TOPAZ1: variants seen among roughly 807,000 people sequenced by gnomAD.
TOPAZ1 encodes the protein testis and ovary specific TOPAZ 1.
TOPAZ1 carries 66 observed loss-of-function variants against 172.2 expected under a neutral mutation model. That is an observed-to-expected ratio of 0.38 (90% CI 0.31 to 0.47). TOPAZ1 has a LOEUF of 0.47. Ranked by LOEUF, TOPAZ1 falls within the 20% of genes least tolerant of loss-of-function variation. The pLI, the probability that TOPAZ1 is intolerant of heterozygous loss-of-function variation, is 0.99. For synonymous variants in TOPAZ1, 681 were observed against 683.9 expected, an observed-to-expected ratio of 1.00 and a Z score of 0.07; for missense variants, 1,822 against 1,972.4, an observed-to-expected ratio of 0.92 and a Z score of 1.44.
chr3:44,256,864 G>T (rs1699709673), intron 4 of TOPAZ1, among the ~76,000 whole-genome samples: 2 of 152,198 alleles, frequency 1.3e-5, no homozygotes, highest in South Asian at 4.1e-4. Flanking sequence ...AACATTAGAG[G>T]CTAAGTAGAT....
Position 44,250,243 on chromosome 3 carries a change from C to CAAA in TOPAZ1, c.2766-4709_2766-4707dup, listed in dbSNP as rs35079686. On this transcript the variant is annotated intron_variant, in intron 2 of 19. Transcript: ENST00000309765. The stretch of plus-strand genomic sequence containing the variant: ...TATTACCAATTTTACCATGAAATGA[C>CAAA]AAAAAAAAAAAAAAAAAACAGGTTT... Among the ~76,000 whole-genome samples, 698 of 110,766 alleles carry CAAA rather than the reference C, an allele frequency of 6.3e-3. 9 individuals carry two copies. Among genetic ancestry groups the CAAA allele is most frequent in the Admixed American group, 0.03 (332 of 10,908 alleles). The allele number at this position is 110,766 out of a possible 152,430, so 72.7% of individuals were successfully genotyped here. A position where few individuals can be genotyped will look rare whatever the true frequency, so the allele number is the denominator to read the frequency against.
At chr3:44,274,349 C>T (rs1260136631) in intron 8 of TOPAZ1, among the ~76,000 whole-genome samples, 3 of 149,736 alleles carry the variant, frequency 2.0e-5, no homozygotes, top group Non-Finnish European at 4.4e-5. Context: ...TGCAGTGAGG[C>T]GAGACTGAGC....
chr3:44,295,681 A>G (rs1601906), intron 12 of TOPAZ1, among the ~76,000 whole-genome samples: 68,272 of 151,982 alleles, frequency 0.45, 16,862 homozygotes, highest in East Asian at 0.81. Flanking sequence ...TGCCAAGAAG[A>G]CATAGCAATT....
At chr3:44,257,455 T>A (rs1699725458) in intron 4 of TOPAZ1, among the ~76,000 whole-genome samples, 2 of 70,350 alleles carry the variant, frequency 2.8e-5, no homozygotes, top group East Asian at 2.3e-4. Context: ...TGTATCTATT[T>A]TATATATATA....
rs1699837967 is a variant in TOPAZ1, at chr3:44,267,038, A to C, written c.3062A>C (p.Gln1021Pro). 6.5e-7 allele frequency: 1 copy of C among 1,548,000 alleles called. No individual in the cohort carries two copies. Among genetic ancestry groups the C allele is most frequent in the East Asian group, 2.5e-5 (1 of 40,774 alleles). ...RNADFMVGEC[Q>P]FAVPVPKPLC... ...GCAGACTTTATGGTCGGCGAATGTC[A>C]ATTTGCAGTACCAGTCCCGAAACCT... The change falls in exon 6 of 20, where the codon CAA (glutamine) becomes CCA (proline). Residue 1021 changes from glutamine (Q) to proline (P), a missense_variant. This residue lies in a region of TOPAZ1 where 1,489 missense variants were observed against 1,490.8 expected (regional missense o/e 1.00). Transcript: ENST00000309765.
chr3:44,292,517 A>G (rs1025280652), intron 12 of TOPAZ1, among the ~76,000 whole-genome samples: 2 of 150,986 alleles, frequency 1.3e-5, no homozygotes, highest in African/African-American at 4.9e-5. Flanking sequence ...GCACAGGGAA[A>G]GTGTATGCAT....
chr3:44,245,246 A>G lies in TOPAZ1; in HGVS notation c.2740A>G (p.Lys914Glu), dbSNP rs766382749. 8 of 1,540,078 alleles carry G rather than the reference A, an allele frequency of 5.2e-6. No individual in the cohort carries two copies. In the Admixed American group the frequency reaches 1.0e-4, roughly 20 times the overall value. ...CTCCAAGTACATGGAAACTCCAGTA[A>G]AAAAAGAACCAAGTGATGACTTAAG... is the stretch of plus-strand genomic sequence containing the variant. ...TDSKYMETPV[K>E]KEPSDDLREL... The change falls in exon 2 of 20, where the codon AAA (lysine) becomes GAA (glutamate). Residue 914 changes from lysine to glutamate, a missense_variant. Around this residue, in one of 2 missense-constraint regions of TOPAZ1, gnomAD observed 1,489 missense variants for 1,490.8 expected, o/e 1.00. Transcript: ENST00000309765.
chr3:44,271,927 G>A (rs1345551836), intron 8 of TOPAZ1, among the ~76,000 whole-genome samples: 1 of 151,948 alleles, frequency 6.6e-6, no homozygotes, highest in Non-Finnish European at 1.5e-5. Flanking sequence ...CTCCACCCCT[G>A]TCCTCTGGTA....
chr3:44,298,929 T>TTTTTTTG (rs1559541961), intron 12 of TOPAZ1, among the ~76,000 whole-genome samples: 2 of 52,524 alleles, frequency 3.8e-5, no homozygotes, highest in Middle Eastern at 8.9e-3. Flanking sequence ...TTTTTTTTTT[T>TTTTTTTG]TTTTTCCCCC....
chr3:44,294,194 C>G (rs998151081), intron 12 of TOPAZ1, among the ~76,000 whole-genome samples: 1 of 151,758 alleles, frequency 6.6e-6, no homozygotes, highest in Non-Finnish European at 1.5e-5. Context: ...GAGCCAAGAT[C>G]GTGCCACTGC....
Position 44,281,951 on chromosome 3 carries a change from T to C in TOPAZ1, c.3373-17T>C, listed in dbSNP as rs1270856264. On this transcript the variant is annotated splice_polypyrimidine_tract_variant and intron_variant, in intron 8 of 19. Coordinates refer to ENST00000309765, the MANE Select transcript of TOPAZ1 (RefSeq NM_001145030.2). Reference sequence around the variant, plus strand: ...TATTTAAAAAAGGTAGTTTTACATTTTTCGTGACTTTTGCAGGTTTGCATG... The same window carrying C: ...TATTTAAAAAAGGTAGTTTTACATTCTTCGTGACTTTTGCAGGTTTGCATG... 2 of 1,513,792 alleles carry C rather than the reference T, an allele frequency of 1.3e-6. No individual in the cohort carries two copies. The highest frequency in any genetic ancestry group is 4.1e-5 in the Admixed American group (2 of 48,404). The allele number at this position is 1,513,792 out of a possible 1,614,324, so 93.8% of individuals were successfully genotyped here. A position where few individuals can be genotyped will look rare whatever the true frequency, so the allele number is the denominator to read the frequency against.
intron 3 of TOPAZ1, 108 bp from the exon 4 acceptor site, chr3:44,256,043 A>T: frequency 2.7e-6 from 2 of 730,630 alleles, no homozygotes; most frequent in Non-Finnish European, 4.2e-6. Context: ...TTGTCACATT[A>T]GACCTTAAAA....
chr3:44,281,597 T>C (rs562926069), intron 8 of TOPAZ1, among the ~76,000 whole-genome samples: 4 of 152,340 alleles, frequency 2.6e-5, no homozygotes, highest in African/African-American at 7.2e-5. Flanking sequence ...TTTTCCCATG[T>C]GGATCTTCAG....
At chr3:44,255,146 C>G (rs1276823973) in intron 3 of TOPAZ1, 117 bp downstream of exon 3, 1 of 641,754 alleles carries the variant, frequency 1.6e-6, no homozygotes, top group African/African-American at 1.8e-5. Flanking sequence ...GGTCTGTTGA[C>G]CATATGTTTT....
intron 2 of TOPAZ1, 48 bp from the exon 3 acceptor site, chr3:44,254,920 C>T (rs1699678971): frequency 7.3e-7 from 1 of 1,372,458 alleles, no homozygotes; most frequent in African/African-American, 1.4e-5. Context: ...GTGGATAGTT[C>T]TGCTTAGAAT....
intron 8 of TOPAZ1, among the ~76,000 whole-genome samples, chr3:44,279,529 T>C (rs1280163549): frequency 1.3e-5 from 2 of 152,202 alleles, no homozygotes; most frequent in Non-Finnish European, 1.5e-5. Context: ...TAAGTTGTTA[T>C]ATCCTGTTGC....
chr3:44,273,958 A>G (rs947889962), intron 8 of TOPAZ1, among the ~76,000 whole-genome samples: 1 of 152,282 alleles, frequency 6.6e-6, no homozygotes, highest in Admixed American at 6.5e-5. Context: ...ACGTATATTA[A>G]CTGATTTAAT....
intron 4 of TOPAZ1, among the ~76,000 whole-genome samples, chr3:44,257,412 T>TGTGTGTGTGTG (rs1321624131): frequency 2.4e-5 from 3 of 122,820 alleles, no homozygotes; most frequent in African/African-American, 7.3e-5. Context: ...TGTGTGTCTA[T>TGTGTGTGTGTG]TTTATATATT....
At chr3:44,277,367 T>C (rs1699971981) in intron 8 of TOPAZ1, among the ~76,000 whole-genome samples, 1 of 152,240 alleles carries the variant, frequency 6.6e-6, no homozygotes, top group Non-Finnish European at 1.5e-5. Context: ...TTTACTGATT[T>C]ATTCATCACA....
Sources: allele counts gnomAD v4.1 joint callset (sites outside exome capture counted in the v4.1 genomes callset), GRCh38; gene constraint gnomAD v4.1.1; regional missense constraint gnomAD v4.1.1; transcripts MANE v1.5; gene names NCBI Gene and HGNC (gene_info 2026-07-23, HGNC 2026-07-21).